Variants in PCLO observed in about 807,000 individuals in gnomAD.
PCLO encodes the protein protein piccolo.
In PCLO, 82 loss-of-function variants were observed where a neutral mutation model predicts 427.5. The ratio of observed to expected loss-of-function variants is 0.19; its 90% confidence interval spans 0.16 to 0.23. The LOEUF (loss-of-function observed/expected upper bound fraction) is 0.23. Ranked by LOEUF, PCLO falls within the 10% of genes least tolerant of loss-of-function variation. The pLI, the probability that PCLO is intolerant of heterozygous loss-of-function variation, is 1.00. For synonymous variants in PCLO, 2,357 were observed against 2,155.4 expected, an observed-to-expected ratio of 1.09 and a Z score of -2.59; for missense variants, 6,239 against 6,115.9, an observed-to-expected ratio of 1.02 and a Z score of -0.67.
At chr7:82,868,857 T>C (rs1183788549) in intron 10 of PCLO, among the ~76,000 whole-genome samples, 1 of 152,190 alleles carries the variant, frequency 6.6e-6, no homozygotes, top group Non-Finnish European at 1.5e-5. Context: ...ATTATAATAA[T>C]ATAGATACAA....
chr7:83,055,063 T>G (rs1789345378), intron 3 of PCLO, among the ~76,000 whole-genome samples: 1 of 152,122 alleles, frequency 6.6e-6, no homozygotes, highest in South Asian at 2.1e-4. Flanking sequence ...GAAGGATTTG[T>G]AAATTACTGC....
intron 22 of PCLO, among the ~76,000 whole-genome samples, chr7:82,795,100 A>G (rs1791198294): frequency 1.3e-5 from 2 of 152,028 alleles, no homozygotes; most frequent in Admixed American, 6.6e-5. Context: ...TTTAAATTTA[A>G]TCTCCTTAAT....
In PCLO at chr7:82,822,506, C is replaced by T. The variant is rs370849099; in HGVS notation, c.14780G>A (p.Arg4927His). ...TTTGCGTCTTTTACTTGGTTGAATG[C>T]GGAGTTGTTGCACGGCAGCTTCGGC... The part of the protein sequence containing the change: ...AAAEAAVQQL[R>H]IQPTKPPNHR... Residue 4927 changes from arginine to histidine, a missense_variant, in exon 20 of 25, where the codon CGC becomes CAC. By Grantham distance (29) the Arg-to-His change is conservative. This residue lies in a region of PCLO where 877 missense variants were observed against 925.5 expected (regional missense o/e 0.95). Transcript: ENST00000333891. The T allele has an allele frequency of 3.5e-5, 56 of 1,613,654 alleles. No homozygotes were observed. The highest frequency in any genetic ancestry group is 4.2e-5 in the Non-Finnish European group (49 of 1,179,826).
At chr7:82,921,881 CA>C (rs199669323) in intron 6 of PCLO, among the ~76,000 whole-genome samples, 2 of 148,152 alleles carry the variant, frequency 1.3e-5, no homozygotes, top group African/African-American at 2.5e-5. Context: ...AGGCACTTAA[CA>C]AAAAAAAACA....
intron 3 of PCLO, among the ~76,000 whole-genome samples, chr7:83,070,841 A>G (rs1049487033): frequency 9.2e-5 from 14 of 152,178 alleles, no homozygotes; most frequent in Non-Finnish European, 1.0e-4. Context: ...CCATTTCAAC[A>G]TGGAGCTCCA....
intron 20 of PCLO, among the ~76,000 whole-genome samples, chr7:82,819,755 A>G (rs1433645799): frequency 6.6e-6 from 1 of 152,092 alleles, no homozygotes; most frequent in Non-Finnish European, 1.5e-5. Flanking sequence ...CCACATATAT[A>G]ATTAATAGGG....
At chr7:83,028,311 C>A (rs1487527330) in intron 3 of PCLO, among the ~76,000 whole-genome samples, 40 of 149,014 alleles carry the variant, frequency 2.7e-4, no homozygotes, top group African/African-American at 8.9e-4. Context: ...TATACACCAA[C>A]AACAGACAAA....
chr7:82,893,158 G>C (rs1170135221), intron 9 of PCLO, among the ~76,000 whole-genome samples: 1 of 152,030 alleles, frequency 6.6e-6, no homozygotes, highest in Non-Finnish European at 1.5e-5. Context: ...CAATAGCAAA[G>C]ACTTGGAACC....
chr7:82,832,801 AC>A (rs1792128744), intron 16 of PCLO, among the ~76,000 whole-genome samples: 1 of 2,422 alleles, frequency 4.1e-4, no homozygotes, highest in Non-Finnish European at 7.3e-4. Context: ...TAAACTTACT[AC>A]ACACACACAC....
chr7:83,054,089 A>T (rs2116278335), intron 3 of PCLO, among the ~76,000 whole-genome samples: 1 of 152,170 alleles, frequency 6.6e-6, no homozygotes, highest in East Asian at 1.9e-4. Flanking sequence ...AAAAATTTTC[A>T]ATAGCCACTG....
intron 9 of PCLO, among the ~76,000 whole-genome samples, chr7:82,883,946 C>T (rs561180458): frequency 2.6e-5 from 4 of 152,006 alleles, no homozygotes; most frequent in Non-Finnish European, 4.4e-5. Flanking sequence ...ATTTTGTGTA[C>T]TTTTGGTAGA....
intron 2 of PCLO, among the ~76,000 whole-genome samples, chr7:83,140,923 C>T (rs940512435): frequency 1.3e-5 from 2 of 152,142 alleles, no homozygotes; most frequent in Admixed American, 1.3e-4. Context: ...ACACTTGGTC[C>T]CTTCATTCTG....
At chr7:82,923,766 T>C (rs903784982) in intron 6 of PCLO, among the ~76,000 whole-genome samples, 3 of 152,096 alleles carry the variant, frequency 2.0e-5, no homozygotes, top group Non-Finnish European at 4.4e-5. Flanking sequence ...GGATGGAAAG[T>C]AGTAATAAAA....
At position 83,162,297 on chromosome 7, in the gene PCLO, G is replaced by A. The variant is rs376263351; in HGVS notation, c.248+48C>T. 6 of 1,529,822 alleles carry A rather than the reference G, an allele frequency of 3.9e-6. No individual in the cohort carries two copies. In the East Asian group the frequency reaches 7.1e-5, roughly 18 times the overall value. 94.8% of individuals were successfully genotyped at this position (1,529,822 alleles called of 1,614,324 possible). ...CATACAGGCTGGCACATATGTGCAC[G>A]GGAAGCTGTACATATATGCCCGGAC... On this transcript the variant is annotated intron_variant, in intron 1 of 24. Transcript: ENST00000333891.
rs17156932 is a variant in PCLO at position 82,968,882 on chromosome 7, C to T, written c.3301-2395G>A. 2.0e-5 allele frequency among the ~76,000 whole-genome samples: 3 copies of T among 152,160 alleles called. No homozygotes were observed. The East Asian group carries it at 5.8e-4, about 29-fold the overall frequency. On this transcript the variant is annotated intron_variant, in intron 3 of 24. Transcript: ENST00000333891. ...ATGGCTGCATTACCGTGCTGATTTG[C>T]CACATGGATTCTAAAAACGAAATAC...
intron 3 of PCLO, among the ~76,000 whole-genome samples, chr7:83,014,194 C>T (rs1161515111): frequency 1.3e-5 from 2 of 151,862 alleles, no homozygotes; most frequent in Non-Finnish European, 2.9e-5. Context: ...AGATAGTTAA[C>T]AAAACAAGTC....
chr7:82,795,532 C>G (rs1180518219), intron 22 of PCLO, among the ~76,000 whole-genome samples: 1 of 152,062 alleles, frequency 6.6e-6, no homozygotes, highest in African/African-American at 2.4e-5. Flanking sequence ...CTGTAACCTT[C>G]AATATCAAAA....
At chr7:82,820,476 G>T in intron 20 of PCLO, 1 of 1,179,930 alleles carries the variant, frequency 8.5e-7, no homozygotes, top group Non-Finnish European at 1.0e-6. Context: ...GAACCCAGTA[G>T]TTTATGAATG....
rs1795313817 is a variant in PCLO at position 82,950,505 on chromosome 7, A to T, written c.10083T>A (p.Ala3361=). The T allele has an allele frequency of 6.2e-7, 1 of 1,613,768 alleles. No homozygotes were observed. Among genetic ancestry groups the T allele is most frequent in the South Asian group, 1.1e-5 (1 of 91,090 alleles). Residue 3361 remains alanine, a synonymous_variant, in exon 6 of 25, where the codon GCT becomes GCA. Transcript: ENST00000333891. ...TTTGTGGTATTTCAATTGCCACAACAGCTGAAGCTGTGGTGGTTGCATCTT... is the reference window on the plus strand; with the variant it reads ...TTTGTGGTATTTCAATTGCCACAACTGCTGAAGCTGTGGTGGTTGCATCTT... ...ATEDATTTAS[A]VVAIEIPQSQ...
Sources: allele counts gnomAD v4.1 joint callset (sites outside exome capture counted in the v4.1 genomes callset), GRCh38; gene constraint gnomAD v4.1.1; regional missense constraint gnomAD v4.1.1; transcripts MANE v1.5; gene names NCBI Gene and HGNC (gene_info 2026-07-23, HGNC 2026-07-21).